CDYL2: variants seen among roughly 807,000 people sequenced by gnomAD.
CDYL2 encodes chromodomain Y-like protein 2.
In CDYL2, 23 loss-of-function variants were observed where a neutral mutation model predicts 49.4. That is an observed-to-expected ratio of 0.47 (90% CI 0.34 to 0.66). The LOEUF (loss-of-function observed/expected upper bound fraction) is 0.66, where lower values mean the gene tolerates loss of function less well. Among genes scored for constraint, CDYL2 ranks in the 30% least tolerant of loss-of-function variants. The pLI is 0.01. For missense variants in CDYL2, 678 were observed against 656.4 expected (o/e 1.03, Z -0.36); for synonymous variants, 360 against 268.8 (o/e 1.34, Z -3.32).
intron 2 of CDYL2, among the ~76,000 whole-genome samples, chr16:80,643,371 C>CT (rs1284714343): frequency 1.3e-5 from 2 of 152,232 alleles, no homozygotes; most frequent in Non-Finnish European, 2.9e-5. Context: ...TGAGTGTCTG[C>CT]AACTTTTCCA....
At chr16:80,696,055 TG>T (rs769472648) in intron 1 of CDYL2, among the ~76,000 whole-genome samples, 19 of 152,240 alleles carry the variant, frequency 1.2e-4, no homozygotes, top group Non-Finnish European at 2.4e-4. Flanking sequence ...TTATCTTTTC[TG>T]ACCACAATGA....
chr16:80,700,540 T>A (rs1212235940), intron 1 of CDYL2, among the ~76,000 whole-genome samples: 3 of 152,142 alleles, frequency 2.0e-5, no homozygotes, highest in Non-Finnish European at 4.4e-5. Context: ...TAAATAAAAA[T>A]GGCTATCAAC....
chr16:80,697,926 C>T (rs569566072), intron 1 of CDYL2, among the ~76,000 whole-genome samples: 15 of 152,104 alleles, frequency 9.9e-5, no homozygotes, highest in Non-Finnish European at 1.9e-4. Context: ...AAATACATCC[C>T]ATGTTCATGG....
At position 80,768,947 on chromosome 16, in the gene CDYL2, T is replaced by G. The variant is rs190755087; in HGVS notation, c.24+35203A>C. The stretch of plus-strand genomic sequence containing the variant: ...AGCTATTGTTATTAGTATTATATTA[T>G]GTACAACACCTATCAAAAACAAGTC... On this transcript the variant is annotated intron_variant, in intron 1 of 6. Transcript: ENST00000570137. Among the ~76,000 whole-genome samples the G allele has an allele frequency of 3.3e-5, 5 of 152,350 alleles. No individual in the cohort carries two copies. In the East Asian group the frequency reaches 9.6e-4, roughly 29 times the overall value.
intron 1 of CDYL2, among the ~76,000 whole-genome samples, chr16:80,691,770 T>C (rs1427591609): frequency 3.9e-5 from 6 of 152,074 alleles, no homozygotes; most frequent in African/African-American, 1.4e-4. Context: ...ACCCATGTTT[T>C]TAAAAGAGAG....
intron 1 of CDYL2, among the ~76,000 whole-genome samples, chr16:80,769,684 G>A (rs16953982): frequency 0.03 from 4,608 of 152,216 alleles, 241 homozygotes; most frequent in African/African-American, 0.11. Context: ...GTACTTTTAT[G>A]GGTAGAATCT....
intron 6 of CDYL2, 24 bp downstream of exon 6, chr16:80,608,068 C>A: frequency 6.5e-7 from 1 of 1,545,782 alleles, no homozygotes; most frequent in South Asian, 1.2e-5. Flanking sequence ...AAAGGACAAG[C>A]ACGCAGGAGG....
intron 1 of CDYL2, among the ~76,000 whole-genome samples, chr16:80,794,368 T>C (rs1907702666): frequency 6.6e-6 from 1 of 152,138 alleles, no homozygotes; most frequent in African/African-American, 2.4e-5. Flanking sequence ...TGGATAGGCC[T>C]GAATTTTTCT....
At chr16:80,693,073 C>G (rs2142489528) in intron 1 of CDYL2, among the ~76,000 whole-genome samples, 1 of 150,212 alleles carries the variant, frequency 6.7e-6, no homozygotes, top group Non-Finnish European at 1.5e-5. Context: ...AGACTACATG[C>G]CAGGCAAACT....
chr16:80,687,278 A>G (rs1211334121), intron 1 of CDYL2, among the ~76,000 whole-genome samples: 1 of 152,158 alleles, frequency 6.6e-6, no homozygotes, highest in African/African-American at 2.4e-5. Context: ...GCTCTAGACA[A>G]TATATGCTCA....
At chr16:80,756,815 T>A (rs1406414249) in intron 1 of CDYL2, among the ~76,000 whole-genome samples, 3 of 151,760 alleles carry the variant, frequency 2.0e-5, no homozygotes, top group Non-Finnish European at 4.4e-5. Flanking sequence ...CAGAGATTGG[T>A]CCCAGAAAAA....
At chr16:80,742,662 T>C (rs1298295305) in intron 1 of CDYL2, among the ~76,000 whole-genome samples, 1 of 149,692 alleles carries the variant, frequency 6.7e-6, no homozygotes, top group Non-Finnish European at 1.5e-5. Flanking sequence ...GATAGGTGGA[T>C]GGGTAGAAAG....
intron 2 of CDYL2, among the ~76,000 whole-genome samples, chr16:80,656,504 T>A (rs1482826783): frequency 6.6e-6 from 1 of 152,226 alleles, no homozygotes; most frequent in Admixed American, 6.5e-5. Context: ...GGAGGGCAGC[T>A]GAGAAGTAAA....
intron 1 of CDYL2, among the ~76,000 whole-genome samples, chr16:80,766,862 A>C (rs1906744464): frequency 6.6e-6 from 1 of 152,230 alleles, no homozygotes; most frequent in Non-Finnish European, 1.5e-5. Flanking sequence ...AATCACAACA[A>C]AACACTGGCT....
intron 2 of CDYL2, among the ~76,000 whole-genome samples, chr16:80,668,523 T>C (rs888797397): frequency 6.6e-6 from 1 of 151,598 alleles, no homozygotes; most frequent in Non-Finnish European, 1.5e-5. Flanking sequence ...TACATATACA[T>C]ATATATAAAC....
At chr16:80,625,476 A>G (rs1019268083) in intron 3 of CDYL2, among the ~76,000 whole-genome samples, 1 of 152,208 alleles carries the variant, frequency 6.6e-6, no homozygotes, top group African/African-American at 2.4e-5. Flanking sequence ...CCTTAATTGT[A>G]TATCTGAAAC....
intron 1 of CDYL2, among the ~76,000 whole-genome samples, chr16:80,784,597 T>C (rs1346530376): frequency 6.6e-6 from 1 of 152,058 alleles, no homozygotes; most frequent in African/African-American, 2.4e-5. Flanking sequence ...AAAAAGATAG[T>C]GATGTTTAAC....
chr16:80,765,538 A>G (rs1002460164), intron 1 of CDYL2, among the ~76,000 whole-genome samples: 4 of 151,920 alleles, frequency 2.6e-5, no homozygotes, highest in Non-Finnish European at 4.4e-5. Flanking sequence ...TAAACCAGTA[A>G]CCTAAGACTC....
At chr16:80,781,397 A>G (rs1417741910) in intron 1 of CDYL2, among the ~76,000 whole-genome samples, 1 of 152,184 alleles carries the variant, frequency 6.6e-6, no homozygotes, top group African/African-American at 2.4e-5. Context: ...GAAGCAAAAA[A>G]CTGACAAAAT....
Sources: gnomAD v4.1 joint callset for allele counts (sites outside exome capture counted in the v4.1 genomes callset) on GRCh38, gnomAD v4.1.1 for gene constraint, MANE v1.5 for transcripts, NCBI Gene and HGNC (gene_info 2026-07-23, HGNC 2026-07-21) for gene names.